NSUN4: variants seen among roughly 807,000 people sequenced by gnomAD.
NSUN4 encodes NOP2/Sun RNA methyltransferase 4.
In NSUN4, 31 loss-of-function variants were observed where a neutral mutation model predicts 43.8. The ratio of observed to expected loss-of-function variants is 0.71; its 90% CI spans 0.53 to 0.96. NSUN4 has a LOEUF of 0.96. Ranked by LOEUF, NSUN4 falls within the 40% of genes least tolerant of loss-of-function variation. The pLI, the probability that NSUN4 is intolerant of heterozygous loss-of-function variation, is 0.00. For missense variants in NSUN4, 439 were observed against 475.6 expected, an observed-to-expected ratio of 0.92 and a Z score of 0.72; for synonymous variants, 167 against 184.1, an observed-to-expected ratio of 0.91 and a Z score of 0.75.
chr1:46,374,990 A>G, the NSUN4 span, among the ~76,000 whole-genome samples: 3 of 152,244 alleles, frequency 2.0e-5, no homozygotes, highest in East Asian at 5.8e-4. Context: ...CGTATTTCAA[A>G]ACAATATTTG....
intron 5 of NSUN4, 84 bp from the exon 6 acceptor site, chr1:46,361,486 T>C: frequency 7.8e-7 from 1 of 1,289,724 alleles, no homozygotes; most frequent in Non-Finnish European, 1.1e-6. Flanking sequence ...TAGCCTTCCC[T>C]TATCCATGTT....
intron 3 of NSUN4, among the ~76,000 whole-genome samples, chr1:46,347,322 C>T (rs1300209295): frequency 6.6e-6 from 1 of 152,022 alleles, no homozygotes; most frequent in Non-Finnish European, 1.5e-5. Flanking sequence ...CCTGTAATAC[C>T]AGCTACTCAG....
chr1:46,372,452 C>T, the NSUN4 span, among the ~76,000 whole-genome samples: 1 of 152,024 alleles, frequency 6.6e-6, no homozygotes, highest in African/African-American at 2.4e-5. Flanking sequence ...CGCCTTTTTA[C>T]TATTTACATG....
At chr1:46,346,881 G>A (rs1239991130) in intron 2 of NSUN4, 40 bp from the exon 3 acceptor site, 2 of 1,584,102 alleles carry the variant, frequency 1.3e-6, no homozygotes, top group South Asian at 1.1e-5. Flanking sequence ...TGGGTGTCCT[G>A]ACCTGGAATT....
At position 46,351,953 on chromosome 1, in the gene NSUN4, C is replaced by T. The variant is rs553190296; in HGVS notation, c.593-915C>T. Among the ~76,000 whole-genome samples the T allele has an allele frequency of 1.2e-4, 18 of 149,912 alleles. No individual in the cohort carries two copies. The East Asian group carries it at 3.0e-3, about 25-fold the overall frequency. Reference sequence around the variant, plus strand: ...TGCTGGGATTACAGGTGTGAGCCACCGTGCCTGGCCTTCCAGTCTCTTTTT... The same window carrying T: ...TGCTGGGATTACAGGTGTGAGCCACTGTGCCTGGCCTTCCAGTCTCTTTTT... On this transcript the variant is annotated intron_variant, in intron 3 of 5. Transcript: ENST00000474844.
At chr1:46,341,972 A>ACGAGCTCATCAGTC in intron 1 of NSUN4, 1 of 1,232,546 alleles carries the variant, frequency 8.1e-7, no homozygotes, top group Non-Finnish European at 1.0e-6. Context: ...AGTCCCCGGG[A>ACGAGCTCATCAGTC]ACGAGCCCAG....
intron 4 of NSUN4, among the ~76,000 whole-genome samples, chr1:46,358,143 T>C (rs1183464575): frequency 6.6e-6 from 1 of 152,172 alleles, no homozygotes; most frequent in African/African-American, 2.4e-5. Context: ...TCACCCAGGC[T>C]GGAGTGCAGT....
intron 4 of NSUN4, among the ~76,000 whole-genome samples, chr1:46,356,642 G>A (rs1455151680): frequency 3.3e-5 from 5 of 151,832 alleles, no homozygotes; most frequent in South Asian, 2.1e-4. Context: ...GCAGTGAGCC[G>A]AGATCGCGCC....
downstream of NSUN4, among the ~76,000 whole-genome samples, chr1:46,365,351 A>C (rs551626521): frequency 6.6e-6 from 1 of 151,466 alleles, no homozygotes; most frequent in South Asian, 2.1e-4. Flanking sequence ...TTCTTTTTTT[A>C]TTTTTTGAGA....
chr1:46,370,105 T>C (rs67200518), downstream of NSUN4, among the ~76,000 whole-genome samples: 34,084 of 152,036 alleles, frequency 0.22, 4,295 homozygotes, highest in Non-Finnish European at 0.29. Flanking sequence ...AGAGGGTGAC[T>C]GGGATGGAGA....
intron 3 of NSUN4, among the ~76,000 whole-genome samples, chr1:46,351,666 T>TC (rs1662992120): frequency 1.4e-5 from 2 of 140,488 alleles, no homozygotes; most frequent in African/African-American, 5.3e-5. Context: ...TCTCTTTTTT[T>TC]TTTTTTTTTT....
chr1:46,349,316 A>G (rs531563507), intron 3 of NSUN4, among the ~76,000 whole-genome samples: 25 of 150,966 alleles, frequency 1.7e-4, no homozygotes, highest in Non-Finnish European at 2.9e-4. Flanking sequence ...ATTTTTTTGT[A>G]TTTTTAGTAG....
At chr1:46,382,513 C>T in the NSUN4 span, among the ~76,000 whole-genome samples, 1 of 152,018 alleles carries the variant, frequency 6.6e-6, no homozygotes, top group Non-Finnish European at 1.5e-5. Flanking sequence ...TTTTTAAATA[C>T]TTAATTTATA....
chr1:46,355,704 G>A (rs1169976458), intron 4 of NSUN4, among the ~76,000 whole-genome samples: 1 of 152,070 alleles, frequency 6.6e-6, no homozygotes, highest in African/African-American at 2.4e-5. Context: ...AGATGTCTTT[G>A]TTAACTTGTT....
chr1:46,351,586 G>C (rs1237470267), intron 3 of NSUN4, among the ~76,000 whole-genome samples: 1 of 151,816 alleles, frequency 6.6e-6, no homozygotes, highest in Admixed American at 6.6e-5. Flanking sequence ...AGCACTTTGG[G>C]AGGCTGAGGT....
intron 4 of NSUN4, among the ~76,000 whole-genome samples, chr1:46,359,298 C>A (rs1036456864): frequency 6.6e-6 from 1 of 152,094 alleles, no homozygotes; most frequent in Non-Finnish European, 1.5e-5. Context: ...TTTAGTTTTA[C>A]TGGTTGCTGT....
chr1:46,343,499 G>A (rs1662268638), intron 1 of NSUN4: 2 of 399,460 alleles, frequency 5.0e-6, no homozygotes, highest in African/African-American at 4.1e-5. Context: ...GCTGTAGTTC[G>A]ACTATTATTA....
chr1:46,381,035 A>C, the NSUN4 span, among the ~76,000 whole-genome samples: 1 of 152,132 alleles, frequency 6.6e-6, no homozygotes, highest in African/African-American at 2.4e-5. Flanking sequence ...AGAGAGTCAC[A>C]CAACAAGGAT....
chr1:46,347,610 G>T (rs1007982413), intron 3 of NSUN4, among the ~76,000 whole-genome samples: 8 of 152,290 alleles, frequency 5.3e-5, no homozygotes, highest in African/African-American at 1.9e-4. Flanking sequence ...GTAGGGCTCT[G>T]ATCAGTTGAT....
Sources: allele counts gnomAD v4.1 joint callset (sites outside exome capture counted in the v4.1 genomes callset), GRCh38; gene constraint gnomAD v4.1.1; transcripts MANE v1.5; gene names NCBI Gene and HGNC (gene_info 2026-07-23, HGNC 2026-07-21).